Variants in AKAP13 observed in about 807,000 individuals in gnomAD.
AKAP13 encodes A-kinase anchoring protein 13, also known as A-kinase anchor protein 13.
A neutral mutation model predicts 264.5 loss-of-function variants in AKAP13; 80 were observed. The observed-to-expected ratio is 0.30, with a 90% CI of 0.25 to 0.36. The LOEUF is 0.36. AKAP13 is among the 10% of genes least tolerant of loss of function. AKAP13 has a pLI of 1.00. For synonymous variants in AKAP13, 1,380 were observed against 1,250.2 expected (o/e 1.10, Z -2.19); for missense variants, 3,712 against 3,435.2 (o/e 1.08, Z -2.01).
chr15:85,409,000 T>G (rs935428307), intron 1 of AKAP13, among the ~76,000 whole-genome samples: 3 of 151,794 alleles, frequency 2.0e-5, no homozygotes, highest in Non-Finnish European at 4.4e-5. Flanking sequence ...TATTTTCTGT[T>G]TTTGTGACAG....
At chr15:85,526,402 G>T (rs781019977) in intron 3 of AKAP13, among the ~76,000 whole-genome samples, 1 of 151,946 alleles carries the variant, frequency 6.6e-6, no homozygotes, top group Non-Finnish European at 1.5e-5. Flanking sequence ...ACTCACCATC[G>T]TAAGTGGCAC....
At chr15:85,434,381 G>A (rs1326294890) in intron 1 of AKAP13, among the ~76,000 whole-genome samples, 2 of 152,090 alleles carry the variant, frequency 1.3e-5, no homozygotes, top group African/African-American at 2.4e-5. Context: ...CAAGGCGGCA[G>A]CGAGGCTGGG....
At chr15:85,601,283 TA>T (rs2080056497) in intron 8 of AKAP13, among the ~76,000 whole-genome samples, 1 of 152,204 alleles carries the variant, frequency 6.6e-6, no homozygotes, top group Non-Finnish European at 1.5e-5. Flanking sequence ...TTAACTTCAT[TA>T]GCACATAGGT....
In AKAP13 at chr15:85,695,358, C is replaced by A. The variant is rs191619155; in HGVS notation, c.5464+1907C>A. On this transcript the variant is annotated intron_variant, in intron 17 of 36. Transcript: ENST00000394518. ...AGGGGAGGTTGCAGTGAGCTGAGATCGTGCCATTGCACTCCAGCCTGGGCA... is the reference window on the plus strand; with the variant it reads ...AGGGGAGGTTGCAGTGAGCTGAGATAGTGCCATTGCACTCCAGCCTGGGCA... Among the ~76,000 whole-genome samples, 297 of 152,182 alleles carry A rather than the reference C, an allele frequency of 2.0e-3. 2 individuals carry two copies. Among genetic ancestry groups the A allele is most frequent in the Admixed American group, 4.4e-3 (67 of 15,298 alleles).
chr15:85,722,993 A>G, intron 25 of AKAP13, 79 bp from the exon 26 acceptor site: 2 of 1,535,618 alleles, frequency 1.3e-6, no homozygotes, highest in Non-Finnish European at 1.8e-6. Context: ...GATGATATGG[A>G]GTGAGAAGTC....
At chr15:85,609,203 A>G (rs75033484) in intron 8 of AKAP13, among the ~76,000 whole-genome samples, 3 of 152,304 alleles carry the variant, frequency 2.0e-5, no homozygotes, top group East Asian at 3.9e-4. Flanking sequence ...CTTCGGTGTG[A>G]TGGAATACTA....
chr15:85,705,338 A>G (rs1267260300), intron 17 of AKAP13, among the ~76,000 whole-genome samples: 2 of 152,202 alleles, frequency 1.3e-5, no homozygotes, highest in Non-Finnish European at 2.9e-5. Context: ...AATTCTGCCC[A>G]TAGTGTTCTT....
chr15:85,383,774 C>A (rs565406443), intron 1 of AKAP13, among the ~76,000 whole-genome samples: 1 of 152,160 alleles, frequency 6.6e-6, no homozygotes, highest in African/African-American at 2.4e-5. Context: ...GTTTTCAGTA[C>A]ATCAGTCATA....
intron 1 of AKAP13, among the ~76,000 whole-genome samples, chr15:85,392,176 G>T (rs1020747167): frequency 4.2e-5 from 6 of 142,698 alleles, no homozygotes; most frequent in Non-Finnish European, 9.2e-5. Context: ...TTTGTTTGTG[G>T]TTGCTGATAT....
At chr15:85,650,548 G>T (rs541959674) in intron 10 of AKAP13, among the ~76,000 whole-genome samples, 71 of 151,792 alleles carry the variant, frequency 4.7e-4, no homozygotes, top group African/African-American at 1.6e-3. Flanking sequence ...TGGAGGTCAG[G>T]AGTTCGAGAC....
intron 12 of AKAP13, among the ~76,000 whole-genome samples, chr15:85,662,732 T>C (rs1000593668): frequency 3.3e-5 from 5 of 152,348 alleles, no homozygotes; most frequent in Middle Eastern, 3.4e-3. Context: ...TGTCTTGATT[T>C]TCAGATCCTA....
rs547287151 is a variant in AKAP13, at chr15:85,723,325, G to A, written c.6745+5G>A. 2.5e-5 allele frequency: 41 copies of A among 1,613,406 alleles called. No individual in the cohort carries two copies. In the East Asian group the frequency reaches 8.2e-4, roughly 32 times the overall value. ...ATGCAGCAGGAAGGTTGAAAGGTAA[G>A]GCTTGGCTCTTTTGTCTTAAGTATG... On this transcript the variant is annotated splice_donor_5th_base_variant and intron_variant, in intron 26 of 36. Coordinates refer to ENST00000394518, the MANE Select transcript of AKAP13 (RefSeq NM_007200.5).
chr15:85,498,913 A>C (rs901763748), intron 2 of AKAP13, among the ~76,000 whole-genome samples: 1 of 152,206 alleles, frequency 6.6e-6, no homozygotes. Context: ...AGCCCTTCAC[A>C]TGATTCTGAT....
intron 1 of AKAP13, among the ~76,000 whole-genome samples, chr15:85,435,346 T>C: frequency 7.6e-6 from 1 of 132,000 alleles, no homozygotes; most frequent in Non-Finnish European, 1.6e-5. Flanking sequence ...CTGATTGGTG[T>C]ACCTGAAAGT....
Position 85,396,690 on chromosome 15 carries a change from A to G in AKAP13, c.-12+15892A>G, listed in dbSNP as rs566250748. 7.9e-5 allele frequency among the ~76,000 whole-genome samples: 12 copies of G among 152,332 alleles called. No individual in the cohort carries two copies. The South Asian group carries it at 1.7e-3, about 21-fold the overall frequency. On this transcript the variant is annotated intron_variant, in intron 1 of 36. Transcript: ENST00000394518. ...GTAAAACAAGGCACGATAGGTTTCC[A>G]GGATATGAAACAGACAACTTTAACT...
intron 1 of AKAP13, among the ~76,000 whole-genome samples, chr15:85,424,385 C>T (rs2072669276): frequency 6.6e-6 from 1 of 152,200 alleles, no homozygotes; most frequent in African/African-American, 2.4e-5. Context: ...GAGATAGCTT[C>T]TTGTCCTTAA....
intron 9 of AKAP13, 149 bp from the exon 10 acceptor site, chr15:85,645,669 A>G (rs1463584477): frequency 1.1e-6 from 1 of 878,146 alleles, no homozygotes; most frequent in Non-Finnish European, 1.6e-6. Context: ...TTAATTTTGA[A>G]AAAAAGAAAT....
At chr15:85,572,424 C>G (rs1388647036) in intron 5 of AKAP13, among the ~76,000 whole-genome samples, 1 of 152,026 alleles carries the variant, frequency 6.6e-6, no homozygotes, top group South Asian at 2.1e-4. Flanking sequence ...TTTGAACTGT[C>G]GAGAGTATTT....
At chr15:85,447,018 C>T (rs372096200) in intron 1 of AKAP13, among the ~76,000 whole-genome samples, 56 of 152,238 alleles carry the variant, frequency 3.7e-4, no homozygotes, top group East Asian at 2.1e-3. Context: ...CCTGTAATCC[C>T]GGCACTTTGG....
Sources: gnomAD v4.1 joint callset for allele counts (sites outside exome capture counted in the v4.1 genomes callset) on GRCh38, gnomAD v4.1.1 for gene constraint, MANE v1.5 for transcripts, NCBI Gene and HGNC (gene_info 2026-07-23, HGNC 2026-07-21) for gene names.